Variants in COL8A1 observed in about 807,000 individuals in gnomAD.
The protein encoded by COL8A1 is collagen type VIII alpha 1 chain, also known as collagen alpha-1(VIII) chain.
Under a neutral mutation model 42.7 loss-of-function variants are expected in COL8A1, and 21 were observed. The ratio of observed to expected loss-of-function variants is 0.49; its 90% CI spans 0.35 to 0.71. COL8A1 has a LOEUF of 0.71. Among genes scored for constraint, COL8A1 ranks in the 30% least tolerant of loss-of-function variants. The probability of loss-of-function intolerance (pLI) is 0.01; values close to 1 mark genes in which losing one functional copy is unlikely to be tolerated. For missense variants in COL8A1, 788 were observed against 962.4 expected (o/e 0.82, Z 2.40); for synonymous variants, 367 against 369.1 (o/e 0.99, Z 0.06).
At chr3:99,787,904 TCAAA>T (rs893765869) in intron 2 of COL8A1, among the ~76,000 whole-genome samples, 85 of 151,106 alleles carry the variant, frequency 5.6e-4, no homozygotes, top group Admixed American at 1.7e-3. Context: ...ACACCAGCTG[TCAAA>T]CAAATAGAAA....
intron 2 of COL8A1, among the ~76,000 whole-genome samples, chr3:99,750,265 C>T (rs1010612097): frequency 1.3e-5 from 2 of 151,934 alleles, no homozygotes; most frequent in African/African-American, 4.8e-5. Flanking sequence ...CCATGTTGGC[C>T]AGGCTGGTCT....
intron 1 of COL8A1, among the ~76,000 whole-genome samples, chr3:99,648,045 T>A (rs1379026022): frequency 6.6e-6 from 1 of 152,200 alleles, no homozygotes; most frequent in Non-Finnish European, 1.5e-5. Context: ...AACACATCAT[T>A]AATGGTTATA....
intron 2 of COL8A1, among the ~76,000 whole-genome samples, chr3:99,748,268 T>A (rs534655246): frequency 6.6e-6 from 1 of 152,324 alleles, no homozygotes; most frequent in South Asian, 2.1e-4. Context: ...TGACTATAGC[T>A]GCACTGTTCA....
intron 1 of COL8A1, among the ~76,000 whole-genome samples, chr3:99,669,143 A>C (rs1938456552): frequency 8.3e-6 from 1 of 120,074 alleles, no homozygotes; most frequent in Non-Finnish European, 1.8e-5. Flanking sequence ...ATATATATAT[A>C]TATAGAGGGA....
chr3:99,664,589 C>T (rs1446390929), intron 1 of COL8A1, among the ~76,000 whole-genome samples: 1 of 152,238 alleles, frequency 6.6e-6, no homozygotes, highest in African/African-American at 2.4e-5. Context: ...ACTCCTCCTC[C>T]CAGCTCAGTG....
chr3:99,755,958 A>C (rs1469096508), intron 2 of COL8A1, among the ~76,000 whole-genome samples: 1 of 151,916 alleles, frequency 6.6e-6, no homozygotes, highest in Non-Finnish European at 1.5e-5. Context: ...TTAAATCATT[A>C]CTCTGGTTTC....
Position 99,644,396 on chromosome 3 carries a change from TAAC to T in COL8A1, c.-129+5737_-129+5739del, listed in dbSNP as rs1390040880. Among the ~76,000 whole-genome samples the T allele has an allele frequency of 3.9e-5, 6 of 152,310 alleles. No homozygotes were observed. In the East Asian group the frequency reaches 9.6e-4, roughly 24 times the overall value. ...GTCATTGAAATGTTCTCTGCTAAAA[TAAC>T]AACACAATTATTGGTAACACATAAA... is the stretch of plus-strand genomic sequence containing the variant. On this transcript the variant is annotated intron_variant, in intron 1 of 3. Transcript: ENST00000652472.
intron 1 of COL8A1, among the ~76,000 whole-genome samples, chr3:99,728,333 C>A (rs890691849): frequency 6.6e-6 from 1 of 152,078 alleles, no homozygotes; most frequent in Admixed American, 6.6e-5. Flanking sequence ...GATTCTAGAG[C>A]ATTTCAGAAC....
In COL8A1 at chr3:99,794,829, C is replaced by T; in HGVS notation, c.928C>T (p.Pro310Ser). ...TGGGGTACCGGGGGTTCAAGGACCT[C>T]CTGGGATACCCGGAATTGGAAAGCC... The part of the protein sequence containing the change: ...PIGVPGVQGP[P>S]GIPGIGKPGQ... Residue 310 changes from proline (P) to serine (S), a missense_variant, in exon 4 of 4, where the codon CCT becomes TCT. Around this residue, in one of 4 missense-constraint regions of COL8A1, gnomAD observed 421 missense variants for 553.1 expected, o/e 0.76. Coordinates refer to ENST00000652472, the MANE Select transcript of COL8A1 (RefSeq NM_020351.4). The surrounding 1 kb of genome is among the most constrained non-coding windows in gnomAD (Gnocchi z 4.3). The T allele has an allele frequency of 6.2e-7, 1 of 1,612,274 alleles. No individual in the cohort carries two copies. The highest frequency in any genetic ancestry group is 8.5e-7 in the Non-Finnish European group (1 of 1,179,136).
At chr3:99,641,999 G>A (rs181826065) in intron 1 of COL8A1, among the ~76,000 whole-genome samples, 7 of 152,122 alleles carry the variant, frequency 4.6e-5, no homozygotes, top group Admixed American at 2.6e-4. Flanking sequence ...AAAGCATCTG[G>A]GAATACACAT....
chr3:99,692,389 AT>A (rs1386967271), intron 1 of COL8A1, among the ~76,000 whole-genome samples: 1 of 152,220 alleles, frequency 6.6e-6, no homozygotes, highest in South Asian at 2.1e-4. Flanking sequence ...CTAAACTAAT[AT>A]TGAGTTTAAT....
chr3:99,795,454 A>G lies in COL8A1; in HGVS notation c.1553A>G (p.Lys518Arg). The change falls in exon 4 of 4, where the codon AAA becomes AGA. Residue 518 changes from lysine (K) to arginine (R), a missense_variant. Around this residue, in one of 4 missense-constraint regions of COL8A1, gnomAD observed 154 missense variants for 182.3 expected, o/e 0.84. Transcript: ENST00000652472. ...PIGPPGIPGP[K>R]GEPGLPGPPG... ...GGACCACCTGGGATTCCAGGCCCCA[A>G]AGGGGAGCCGGGCCTCCCAGGGCCC... is the stretch of plus-strand genomic sequence containing the variant. 2.6e-6 allele frequency: 4 copies of G among 1,521,616 alleles called. No homozygotes were observed. Among genetic ancestry groups the G allele is most frequent in the Non-Finnish European group, 3.5e-6 (4 of 1,133,020 alleles). 94.3% of individuals were successfully genotyped at this position (1,521,616 alleles called of 1,614,324 possible). A position where few individuals can be genotyped will look rare whatever the true frequency, so the allele number is the denominator to read the frequency against.
At chr3:99,734,158 A>G (rs1477817395) in intron 1 of COL8A1, among the ~76,000 whole-genome samples, 2 of 150,272 alleles carry the variant, frequency 1.3e-5, no homozygotes, top group Non-Finnish European at 2.9e-5. Flanking sequence ...GTTTAATTAG[A>G]TCCCATTTGT....
chr3:99,697,141 T>C (rs868000535), intron 1 of COL8A1, among the ~76,000 whole-genome samples: 77 of 150,994 alleles, frequency 5.1e-4, no homozygotes, highest in South Asian at 8.4e-4. Flanking sequence ...CGCCCGCCAC[T>C]ACGCCCGGCT....
In COL8A1 at chr3:99,795,402, G is replaced by A. The variant is rs1450454652; in HGVS notation, c.1501G>A (p.Gly501Arg). 6.4e-7 allele frequency: 1 copy of A among 1,550,602 alleles called. No individual in the cohort carries two copies. The highest frequency in any genetic ancestry group is 8.7e-7 in the Non-Finnish European group (1 of 1,146,366). Residue 501 changes from glycine (G) to arginine (R), a missense_variant, in exon 4 of 4, where the codon GGG becomes AGG. Physicochemically the swap from Gly to Arg is moderately radical, Grantham distance 125. Coordinates refer to ENST00000652472, the MANE Select transcript of COL8A1 (RefSeq NM_020351.4). ...TTTACAGGGCCCCCCAGGTATCCCA[G>A]GGATTGGGGGCCCTAGTGGCCCCAT... ...QGLQGPPGIPGIGGPSGPIGP... is the reference protein window; with the variant it reads ...QGLQGPPGIPRIGGPSGPIGP...
intron 1 of COL8A1, among the ~76,000 whole-genome samples, chr3:99,648,034 A>C (rs1363986979): frequency 6.6e-6 from 1 of 152,226 alleles, no homozygotes; most frequent in African/African-American, 2.4e-5. Context: ...GGAGAAATTC[A>C]AACACATCAT....
intron 2 of COL8A1, among the ~76,000 whole-genome samples, chr3:99,758,966 G>T (rs148047576): frequency 3.3e-5 from 5 of 152,156 alleles, no homozygotes; most frequent in African/African-American, 1.2e-4. Context: ...CTTGACACTT[G>T]TTGAACACTC....
chr3:99,789,528 C>G (rs1387849895), intron 2 of COL8A1, among the ~76,000 whole-genome samples: 1 of 152,170 alleles, frequency 6.6e-6, no homozygotes, highest in Non-Finnish European at 1.5e-5. Context: ...GAATATTGAA[C>G]AGACCTAAGT....
chr3:99,721,660 C>T (rs1274138866), intron 1 of COL8A1, among the ~76,000 whole-genome samples: 2 of 151,988 alleles, frequency 1.3e-5, no homozygotes, highest in Admixed American at 1.3e-4. Flanking sequence ...ATTATTCATC[C>T]TATTTTGATA....
Sources: allele counts gnomAD v4.1 joint callset (sites outside exome capture counted in the v4.1 genomes callset), GRCh38; gene constraint gnomAD v4.1.1; regional missense constraint gnomAD v4.1.1; non-coding constraint Gnocchi (gnomAD v3.1); transcripts MANE v1.5; gene names NCBI Gene and HGNC (gene_info 2026-07-23, HGNC 2026-07-21).